ZNF208: variants seen among roughly 807,000 people sequenced by gnomAD.
ZNF208 encodes zinc finger protein 208, also known as zinc finger protein 95.
Under a neutral mutation model 12.1 loss-of-function variants are expected in ZNF208, and 10 were observed. The observed-to-expected ratio is 0.83, with a 90% CI of 0.51 to 1.40. The LOEUF is 1.40. Among genes scored for constraint, ZNF208 ranks in the 40% most tolerant of loss-of-function variants. The probability of loss-of-function intolerance (pLI) is 0.00; values close to 1 mark genes in which losing one functional copy is unlikely to be tolerated. For synonymous variants in ZNF208, 497 were observed against 488.4 expected (o/e 1.02, Z -0.23); for missense variants, 1,652 against 1,485.0 (o/e 1.11, Z -1.85).
chr19:22,010,058 G>A (rs1971117508), intron 1 of ZNF208, among the ~76,000 whole-genome samples: 2 of 152,070 alleles, frequency 1.3e-5, no homozygotes, highest in African/African-American at 4.8e-5. Flanking sequence ...GGTGGCGGGC[G>A]GCTGTAGTCC....
chr19:21,994,951 T>TCC (rs1555747878), intron 1 of ZNF208, among the ~76,000 whole-genome samples: 1 of 41,150 alleles, frequency 2.4e-5, no homozygotes, highest in Non-Finnish European at 5.5e-5. Flanking sequence ...CTGTTTTTCT[T>TCC]TTCTTTTTTT....
chr19:21,998,809 T>G (rs1970887179), intron 1 of ZNF208: 1 of 152,220 alleles, frequency 6.6e-6, no homozygotes, highest in Admixed American at 6.5e-5. Context: ...ATGTGAGATA[T>G]ATTGGAATAT....
intron 4 of ZNF208, among the ~76,000 whole-genome samples, chr19:21,959,356 A>G (rs1970026874): frequency 6.6e-6 from 1 of 152,156 alleles, no homozygotes. Context: ...TCAATTCCCA[A>G]CCTTACAATT....
Position 21,969,567 on chromosome 19 carries a change from G to A in ZNF208, c.*1624C>T, listed in dbSNP as rs998797602. On this transcript the variant is annotated 3_prime_UTR_variant, in exon 4 of 4. Transcript: ENST00000397126. Reference sequence around the variant, plus strand: ...CATATTTTAGTATAAACGCATTTGTGTTTTATAATCTGTAGTTTTTGAAAA... The same window carrying A: ...CATATTTTAGTATAAACGCATTTGTATTTTATAATCTGTAGTTTTTGAAAA... Among the ~76,000 whole-genome samples, 8 of 151,962 alleles carry A rather than the reference G, an allele frequency of 5.3e-5. No homozygotes were observed. Among genetic ancestry groups the A allele is most frequent in the Non-Finnish European group, 1.0e-4 (7 of 67,994 alleles).
chr19:22,010,555 A>G (rs1971128230), intron 1 of ZNF208, among the ~76,000 whole-genome samples: 1 of 152,222 alleles, frequency 6.6e-6, no homozygotes, highest in African/African-American at 2.4e-5. Flanking sequence ...AGCGGCCCCA[A>G]GAGGGCTCCA....
intron 1 of ZNF208, among the ~76,000 whole-genome samples, chr19:22,006,054 T>C (rs1971039096): frequency 6.6e-6 from 1 of 152,098 alleles, no homozygotes; most frequent in Non-Finnish European, 1.5e-5. Flanking sequence ...TTAATCAAAC[T>C]TAAGTTTATT....
intron 1 of ZNF208, among the ~76,000 whole-genome samples, chr19:22,009,337 T>C (rs1473442486): frequency 6.6e-6 from 1 of 152,016 alleles, no homozygotes; most frequent in Non-Finnish European, 1.5e-5. Flanking sequence ...AGACTTGAGG[T>C]CCTGCTTGGG....
downstream of ZNF208, among the ~76,000 whole-genome samples, chr19:21,962,208 T>G (rs1364124786): frequency 6.6e-6 from 1 of 152,210 alleles, no homozygotes; most frequent in Middle Eastern, 3.4e-3. Context: ...CCATTTGGGG[T>G]CCTTGACTTC....
downstream of ZNF208, chr19:21,966,052 A>G (rs1970160356): frequency 6.6e-6 from 1 of 152,172 alleles, no homozygotes; most frequent in East Asian, 1.9e-4. Context: ...TTTCACCCCT[A>G]ATTTCAACTA....
chr19:21,949,674 A>G (rs1021523517), intron 4 of ZNF208, among the ~76,000 whole-genome samples: 19 of 152,124 alleles, frequency 1.2e-4, no homozygotes, highest in Non-Finnish European at 2.5e-4. Context: ...TTTAATCTCT[A>G]TGTATCAAAA....
chr19:21,954,872 T>C lies in ZNF208; in HGVS notation c.305+19857A>G, dbSNP rs561572475. ...ATTGCTTTGTGTGAATTTGATCCTG[T>C]CATGGTGTTAGCTGTTGATTTTGCT... On this transcript the variant is annotated intron_variant, in intron 4 of 4. Transcript: ENST00000599916. Among the ~76,000 whole-genome samples the C allele has an allele frequency of 2.0e-5, 3 of 152,336 alleles. No homozygotes were observed. The South Asian group carries it at 6.2e-4, about 32-fold the overall frequency.
intron 4 of ZNF208, among the ~76,000 whole-genome samples, chr19:21,957,274 G>A (rs951148522): frequency 2.0e-5 from 3 of 152,104 alleles, no homozygotes; most frequent in Admixed American, 6.6e-5. Flanking sequence ...TCTTGACCTC[G>A]TGATCTGCCC....
At chr19:21,965,142 T>C (rs1054573480), downstream of ZNF208, among the ~76,000 whole-genome samples, 7 of 152,032 alleles carry the variant, frequency 4.6e-5, no homozygotes, top group African/African-American at 1.4e-4. Context: ...AAAATATTAA[T>C]ACTATCATCT....
chr19:21,960,743 TTGCCTTCCACCA>T (rs1168228790), intron 4 of ZNF208, among the ~76,000 whole-genome samples: 13 of 152,180 alleles, frequency 8.5e-5, no homozygotes, highest in Admixed American at 8.5e-4. Context: ...TGCTTCCCCT[TTGCCTTCCACCA>T]TGATTGTAAG....
At chr19:21,984,925 TTTAAC>T (rs1222161672) in intron 3 of ZNF208, among the ~76,000 whole-genome samples, 1 of 152,216 alleles carries the variant, frequency 6.6e-6, no homozygotes, top group Non-Finnish European at 1.5e-5. Flanking sequence ...ACACATATAC[TTTAAC>T]ATGTATAGTC....
At position 21,972,077 on chromosome 19, in the gene ZNF208, G is replaced by A. The variant is rs778953171; in HGVS notation, c.2957C>T (p.Ser986Leu). ...EECGKGFSTF[S>L]ILTKHKVIHT... ...AATTACCTTATGTTTAGTAAGGATT[G>A]AGAATGTACTAAAGCCTTTGCCACA... is the stretch of plus-strand genomic sequence containing the variant. The change falls in exon 4 of 4, where the codon TCA (serine) becomes TTA (leucine). Residue 986 changes from serine (S) to leucine (L), a missense_variant. This residue lies in a region of ZNF208 where 1,239 missense variants were observed against 1,086.2 expected (regional missense o/e 1.14). Transcript: ENST00000397126. 14 of 1,613,558 alleles carry A rather than the reference G, an allele frequency of 8.7e-6. No individual in the cohort carries two copies. Among genetic ancestry groups the A allele is most frequent in the Admixed American group, 1.7e-5 (1 of 59,860 alleles).
intron 3 of ZNF208, among the ~76,000 whole-genome samples, chr19:21,980,091 C>A (rs1157529608): frequency 2.0e-5 from 3 of 151,846 alleles, no homozygotes; most frequent in Admixed American, 6.6e-5. Context: ...TTCTTACAGA[C>A]CTACAAAGAG....
intron 1 of ZNF208, among the ~76,000 whole-genome samples, chr19:22,005,681 C>A (rs577916369): frequency 6.6e-6 from 1 of 152,258 alleles, no homozygotes; most frequent in African/African-American, 2.4e-5. Context: ...CTCCCATAAC[C>A]TTTTTGAAAT....
Position 21,970,610 on chromosome 19 carries a change from G to C in ZNF208, c.*581C>G, listed in dbSNP as rs1970260347. The stretch of plus-strand genomic sequence containing the variant: ...TTATCACATTCTTCACATTTGTAGG[G>C]CTTCTCACCAGTATGAATTCTCTTA... On this transcript the variant is annotated 3_prime_UTR_variant, in exon 4 of 4. Coordinates refer to ENST00000397126, the MANE Select transcript of ZNF208 (RefSeq NM_007153.3). 1.1e-6 allele frequency: 1 copy of C among 914,266 alleles called. No individual in the cohort carries two copies. The highest frequency in any genetic ancestry group is 3.0e-5 in the East Asian group (1 of 32,894). The allele number at this position is 914,266 out of a possible 1,614,324, so 56.6% of individuals were successfully genotyped here. A position where few individuals can be genotyped will look rare whatever the true frequency, so the allele number is the denominator to read the frequency against.
Sources: allele counts gnomAD v4.1 joint callset (sites outside exome capture counted in the v4.1 genomes callset), GRCh38; gene constraint gnomAD v4.1.1; regional missense constraint gnomAD v4.1.1; transcripts MANE v1.5; gene names NCBI Gene and HGNC (gene_info 2026-07-23, HGNC 2026-07-21).